Variants in ZNF469 observed in about 807,000 individuals in gnomAD.
ZNF469 encodes zinc finger protein 469.
Under a neutral mutation model 1.0 loss-of-function variants are expected in ZNF469, and 1 was observed. That is an observed-to-expected ratio of 1.00 (90% CI 0.35 to 4.73). The LOEUF (loss-of-function observed/expected upper bound fraction) is 4.73. Ranked by LOEUF, ZNF469 falls within the 30% of genes most tolerant of loss-of-function variation. The pLI, the probability that ZNF469 is intolerant of heterozygous loss-of-function variation, is 0.16. For missense variants in ZNF469, 6,100 were observed against 5,356.3 expected, an observed-to-expected ratio of 1.14 and a Z score of -4.33; for synonymous variants, 2,703 against 2,363.4, an observed-to-expected ratio of 1.14 and a Z score of -4.17.
At chr16:88,108,855 A>T in the ZNF469 span, among the ~76,000 whole-genome samples, 1 of 152,214 alleles carries the variant, frequency 6.6e-6, no homozygotes. Flanking sequence ...GAGGCTCAAC[A>T]GGGGAGTGCT....
the ZNF469 span, among the ~76,000 whole-genome samples, chr16:88,174,136 A>C: frequency 1.3e-5 from 2 of 152,232 alleles, no homozygotes; most frequent in Non-Finnish European, 2.9e-5. Flanking sequence ...GTAGGTTAAA[A>C]GTAAGAGGGT....
In ZNF469 at chr16:88,438,848, C is replaced by G. The variant is rs1262682961; in HGVS notation, c.11378C>G (p.Pro3793Arg). 1 of 1,550,264 alleles carries G rather than the reference C, an allele frequency of 6.5e-7. No individual in the cohort carries two copies. Among genetic ancestry groups the G allele is most frequent in the African/African-American group, 1.4e-5 (1 of 73,026 alleles). Residue 3793 changes from proline to arginine, a missense_variant, in exon 3 of 3, where the codon CCA (proline) becomes CGA (arginine). Coordinates refer to ENST00000565624, the MANE Select transcript of ZNF469 (RefSeq NM_001367624.2). ...CAAGCCAAGAGCTGCACCAAGGGGCCAAGGGAAGCTGGTGAGCAGGGGCCC... is the reference window on the plus strand; with the variant it reads ...CAAGCCAAGAGCTGCACCAAGGGGCGAAGGGAAGCTGGTGAGCAGGGGCCC... Reference protein sequence around the residue: ...RAQAKSCTKGPREAGEQGPHG... With the variant: ...RAQAKSCTKGRREAGEQGPHG...
At chr16:88,293,223 T>C in the ZNF469 span, among the ~76,000 whole-genome samples, 2 of 151,070 alleles carry the variant, frequency 1.3e-5, no homozygotes, top group African/African-American at 4.9e-5. Flanking sequence ...GATGGATAGG[T>C]AGATGGGTGG....
At chr16:88,114,167 G>A in the ZNF469 span, among the ~76,000 whole-genome samples, 1 of 151,536 alleles carries the variant, frequency 6.6e-6, no homozygotes, top group Non-Finnish European at 1.5e-5. Context: ...CCCTGACTGC[G>A]GGGGTCTCGG....
the ZNF469 span, among the ~76,000 whole-genome samples, chr16:88,108,195 C>G: frequency 7.7e-6 from 1 of 129,468 alleles, no homozygotes; most frequent in African/African-American, 3.3e-5. Flanking sequence ...GTGCACATCT[C>G]TGGGGATCCC....
At chr16:88,261,125 A>G in the ZNF469 span, among the ~76,000 whole-genome samples, 3 of 152,128 alleles carry the variant, frequency 2.0e-5, no homozygotes, top group Admixed American at 6.5e-5. This position sits in a 1 kb window ranked among gnomAD's most constrained non-coding sequence, Gnocchi z 6.0. Context: ...CTATCCCAGG[A>G]GGCAATCAGC....
At chr16:88,172,580 C>T in the ZNF469 span, among the ~76,000 whole-genome samples, 1 of 152,182 alleles carries the variant, frequency 6.6e-6, no homozygotes, top group Non-Finnish European at 1.5e-5. Context: ...CGATGTCTGG[C>T]ATTTGGTCAA....
chr16:88,422,841 G>T (rs1305074226), intron 1 of ZNF469, among the ~76,000 whole-genome samples: 1 of 143,850 alleles, frequency 7.0e-6, no homozygotes, highest in Non-Finnish European at 1.5e-5. Context: ...ATGGATGGGT[G>T]GATGGATGGA....
chr16:88,231,770 C>A, the ZNF469 span, among the ~76,000 whole-genome samples: 1 of 152,220 alleles, frequency 6.6e-6, no homozygotes, highest in Non-Finnish European at 1.5e-5. The surrounding 1 kb of genome is among the most constrained non-coding windows in gnomAD (Gnocchi z 4.5). Context: ...CCCCGGGCCA[C>A]TCCCATCTCA....
chr16:88,427,973 G>C lies in ZNF469; in HGVS notation c.503G>C (p.Arg168Thr), dbSNP rs1313491754. The C allele has an allele frequency of 3.9e-6, 6 of 1,549,964 alleles. No individual in the cohort carries two copies. Among genetic ancestry groups the C allele is most frequent in the Non-Finnish European group, 3.5e-6 (4 of 1,146,872 alleles). Reference sequence around the variant, plus strand: ...GCTCCACTCAGGCCGGGCCTCCCAAGGACTGAGGCCCAACCCGCCGCCGAA... The same window carrying C: ...GCTCCACTCAGGCCGGGCCTCCCAACGACTGAGGCCCAACCCGCCGCCGAA... ...TGAPLRPGLP[R>T]TEAQPAAEEL... Residue 168 changes from arginine to threonine, a missense_variant, in exon 3 of 3, where the codon AGG (arginine) becomes ACG (threonine). Physicochemically the swap from Arg to Thr is moderately conservative, Grantham distance 71 (BLOSUM62 -1). Coordinates refer to ENST00000565624, the MANE Select transcript of ZNF469 (RefSeq NM_001367624.2).
the ZNF469 span, among the ~76,000 whole-genome samples, chr16:88,181,883 A>G: frequency 0.1 from 15,418 of 152,254 alleles, 1,013 homozygotes; most frequent in East Asian, 0.26. Context: ...GGTTCTGGCC[A>G]CTGAAATAAA....
chr16:88,402,637 G>T (rs766252114), intron 1 of ZNF469, among the ~76,000 whole-genome samples: 1 of 152,188 alleles, frequency 6.6e-6, no homozygotes, highest in Non-Finnish European at 1.5e-5. Context: ...TGCCCCCACG[G>T]TCAGGGCCTC....
the ZNF469 span, among the ~76,000 whole-genome samples, chr16:88,172,271 A>G: frequency 6.6e-6 from 1 of 152,202 alleles, no homozygotes. Context: ...AGGCTGGGGA[A>G]ACACCCACCC....
chr16:88,429,331 G>A lies in ZNF469; in HGVS notation c.1861G>A (p.Glu621Lys). The A allele has an allele frequency of 6.5e-7, 1 of 1,549,946 alleles. No homozygotes were observed. Residue 621 changes from glutamate to lysine, a missense_variant, in exon 3 of 3, where the codon GAG (glutamate) becomes AAG (lysine). Physicochemically the swap from Glu to Lys is moderately conservative, Grantham distance 56. Coordinates refer to ENST00000565624, the MANE Select transcript of ZNF469 (RefSeq NM_001367624.2). ...CAGCAGCCCAGCCAACCCCAGCTCA[G>A]AGGAAAGCCAGCTCCCCGGCCCCCT... ...MSSSPANPSS[E>K]ESQLPGPLGP... is the part of the protein sequence containing the mutation.
chr16:88,295,872 G>T, the ZNF469 span, among the ~76,000 whole-genome samples: 4 of 152,220 alleles, frequency 2.6e-5, no homozygotes, highest in African/African-American at 9.7e-5. Flanking sequence ...GATAACATAT[G>T]TCTGAGGTCT....
At chr16:88,239,702 TATATATATA>T in the ZNF469 span, among the ~76,000 whole-genome samples, 3 of 7,110 alleles carry the variant, frequency 4.2e-4, no homozygotes, top group African/African-American at 2.3e-3. Flanking sequence ...TATATATATA[TATATATATA>T]TATATTTTTT....
chr16:88,365,511 T>G, the ZNF469 span, among the ~76,000 whole-genome samples: 1 of 152,206 alleles, frequency 6.6e-6, no homozygotes, highest in African/African-American at 2.4e-5. Context: ...ATGGGGGAGC[T>G]GTCTTCCTGC....
chr16:88,165,376 GGCCATTGAGGGAGGACATTGCT>G, the ZNF469 span, among the ~76,000 whole-genome samples: 1 of 152,200 alleles, frequency 6.6e-6, no homozygotes, highest in Non-Finnish European at 1.5e-5. Flanking sequence ...GGCTGTGAAA[GGCCATTGAGGGAGGACATTGCT>G]GCGGGGTCTG....
chr16:88,393,992 C>T (rs1277868212), intron 1 of ZNF469, among the ~76,000 whole-genome samples: 1 of 152,192 alleles, frequency 6.6e-6, no homozygotes, highest in African/African-American at 2.4e-5. Flanking sequence ...CCTGTGCTAT[C>T]CGAGAGGAGC....
Sources: gnomAD v4.1 joint callset for allele counts (sites outside exome capture counted in the v4.1 genomes callset) on GRCh38, gnomAD v4.1.1 for gene constraint, Gnocchi (gnomAD v3.1) non-coding constraint, MANE v1.5 for transcripts, NCBI Gene and HGNC (gene_info 2026-07-23, HGNC 2026-07-21) for gene names.